The following SLC44A5 variants were observed in gnomAD, a reference collection of about 807,000 sequenced individuals.
The protein encoded by SLC44A5 is choline transporter-like protein 5.
SLC44A5 carries 57 observed loss-of-function variants against 101.8 expected under a neutral mutation model. The ratio of observed to expected loss-of-function variants is 0.56; its 90% CI spans 0.45 to 0.70. SLC44A5 has a LOEUF of 0.70. Ranked by LOEUF, SLC44A5 falls within the 30% of genes least tolerant of loss-of-function variation. SLC44A5 has a pLI of 0.00. For synonymous variants in SLC44A5, 281 were observed against 290.9 expected (o/e 0.97, Z 0.35); for missense variants, 737 against 853.1 (o/e 0.86, Z 1.70).
At chr1:75,230,624 T>C (rs1236161884) in intron 12 of SLC44A5, among the ~76,000 whole-genome samples, 1 of 151,872 alleles carries the variant, frequency 6.6e-6, no homozygotes, top group Non-Finnish European at 1.5e-5. Flanking sequence ...CTTGATTTGT[T>C]TTTGTCTTTT....
chr1:75,325,473 C>T (rs59734404), intron 4 of SLC44A5, among the ~76,000 whole-genome samples: 2,431 of 152,080 alleles, frequency 0.016, 62 homozygotes, highest in Middle Eastern at 0.054. Flanking sequence ...GTAGTCTTGC[C>T]TTATCCACAG....
intron 1 of SLC44A5, among the ~76,000 whole-genome samples, chr1:75,581,488 C>T (rs1209762132): frequency 6.6e-6 from 1 of 152,156 alleles, no homozygotes; most frequent in Non-Finnish European, 1.5e-5. Flanking sequence ...TTGGTTAAAG[C>T]TGCATTGTCA....
At chr1:75,615,593 G>A (rs1675844223), upstream of SLC44A5, among the ~76,000 whole-genome samples, 1 of 152,144 alleles carries the variant, frequency 6.6e-6, no homozygotes, top group African/African-American at 2.4e-5. Flanking sequence ...AGCTCGCCGA[G>A]TAGCAAAGGG....
At chr1:75,235,757 T>A (rs549418981) in intron 11 of SLC44A5, among the ~76,000 whole-genome samples, 1 of 152,082 alleles carries the variant, frequency 6.6e-6, no homozygotes, top group Non-Finnish European at 1.5e-5. Context: ...TTTTTCGTAC[T>A]CTTCCCTGAA....
the SLC44A5 span, among the ~76,000 whole-genome samples, chr1:75,722,813 T>C: frequency 1.3e-5 from 2 of 152,240 alleles, no homozygotes; most frequent in African/African-American, 4.8e-5. Context: ...CAGTAGTAAC[T>C]GCTGTAACGA....
intron 1 of SLC44A5, among the ~76,000 whole-genome samples, chr1:75,556,061 G>T (rs1672198160): frequency 6.6e-6 from 1 of 150,956 alleles, no homozygotes; most frequent in East Asian, 2.0e-4. Flanking sequence ...TGGTGTAGAA[G>T]GAGGAGGGGA....
intron 7 of SLC44A5, among the ~76,000 whole-genome samples, chr1:75,244,224 C>A (rs665545): frequency 0.83 from 126,205 of 152,102 alleles, 52,636 homozygotes; most frequent in East Asian, 0.95. Context: ...AGAGCTCACC[C>A]GTTTTATATT....
At chr1:75,293,831 GT>G (rs1234306261) in intron 5 of SLC44A5, among the ~76,000 whole-genome samples, 1 of 151,912 alleles carries the variant, frequency 6.6e-6, no homozygotes, top group Non-Finnish European at 1.5e-5. Flanking sequence ...AAAGTAAACA[GT>G]AAAAAACTCA....
intron 6 of SLC44A5, among the ~76,000 whole-genome samples, chr1:75,262,282 G>A (rs1253723701): frequency 6.6e-6 from 1 of 152,192 alleles, no homozygotes; most frequent in Non-Finnish European, 1.5e-5. Context: ...AACAACTTCA[G>A]CAAAGTCTCA....
intron 1 of SLC44A5, among the ~76,000 whole-genome samples, chr1:75,584,918 A>G (rs1252680844): frequency 6.6e-6 from 1 of 152,202 alleles, no homozygotes; most frequent in East Asian, 1.9e-4. Flanking sequence ...ATTTCTAAGT[A>G]AATTTAATGA....
intron 22 of SLC44A5, among the ~76,000 whole-genome samples, 197 bp from the exon 23 acceptor site, chr1:75,211,749 T>C (rs191791595): frequency 8.5e-5 from 13 of 152,242 alleles, no homozygotes; most frequent in Admixed American, 7.9e-4. Flanking sequence ...TTTTATTAAA[T>C]TAACTGCCTT....
At chr1:75,679,576 AC>A in the SLC44A5 span, among the ~76,000 whole-genome samples, 1 of 151,896 alleles carries the variant, frequency 6.6e-6, no homozygotes, top group African/African-American at 2.4e-5. Flanking sequence ...AGATTTTGTC[AC>A]CACCAGGCCT....
intron 3 of SLC44A5, among the ~76,000 whole-genome samples, chr1:75,375,449 G>A (rs369675972): frequency 1.8e-4 from 27 of 152,180 alleles, no homozygotes; most frequent in Admixed American, 3.3e-4. Context: ...CCAATTTTGC[G>A]AAAGAAGTTG....
At chr1:75,709,735 G>A in the SLC44A5 span, among the ~76,000 whole-genome samples, 7 of 152,028 alleles carry the variant, frequency 4.6e-5, no homozygotes, top group East Asian at 7.7e-4. Flanking sequence ...CTAGAGGCAC[G>A]CCTATTTTTA....
intron 3 of SLC44A5, among the ~76,000 whole-genome samples, chr1:75,393,106 C>A (rs555466411): frequency 6.6e-6 from 1 of 152,128 alleles, no homozygotes; most frequent in African/African-American, 2.4e-5. Flanking sequence ...CAAACCCTCA[C>A]GTCATGCAAT....
chr1:75,226,514 G>T (rs952989923), intron 13 of SLC44A5, among the ~76,000 whole-genome samples: 10 of 152,004 alleles, frequency 6.6e-5, no homozygotes, highest in African/African-American at 2.4e-4. Flanking sequence ...AGGGTGCTTT[G>T]GTGACTTAAC....
At chr1:75,553,698 A>G (rs981711739) in intron 1 of SLC44A5, among the ~76,000 whole-genome samples, 2 of 152,198 alleles carry the variant, frequency 1.3e-5, no homozygotes, top group Non-Finnish European at 2.9e-5. Flanking sequence ...ACACCTTAAT[A>G]ACCTCTTAGA....
chr1:75,609,720 C>A (rs1009958387), intron 1 of SLC44A5, among the ~76,000 whole-genome samples: 3 of 152,008 alleles, frequency 2.0e-5, no homozygotes, highest in African/African-American at 7.2e-5. Flanking sequence ...GCCCAATTCA[C>A]TAAATAGGAA....
intron 18 of SLC44A5, among the ~76,000 whole-genome samples, chr1:75,216,630 T>A (rs771612430): frequency 3.3e-5 from 5 of 151,972 alleles, no homozygotes; most frequent in East Asian, 1.9e-4. Context: ...TTCTTTGTTT[T>A]TATATATATA....
Sources: gnomAD v4.1 joint callset for allele counts (sites outside exome capture counted in the v4.1 genomes callset) on GRCh38, gnomAD v4.1.1 for gene constraint, MANE v1.5 for transcripts, NCBI Gene and HGNC (gene_info 2026-07-23, HGNC 2026-07-21) for gene names.